The following SCHIP1 variants were observed in gnomAD, a reference collection of about 807,000 sequenced individuals.
SCHIP1 encodes schwannomin interacting protein 1, also known as schwannomin-interacting protein 1.
A neutral mutation model predicts 29.7 loss-of-function variants in SCHIP1; 8 were observed. The ratio of observed to expected loss-of-function variants is 0.27; its 90% CI spans 0.16 to 0.49. The LOEUF (loss-of-function observed/expected upper bound fraction) is 0.49. SCHIP1 is among the 20% of genes least tolerant of loss of function. The probability of loss-of-function intolerance (pLI) is 0.99; values close to 1 mark genes in which losing one functional copy is unlikely to be tolerated. For synonymous variants in SCHIP1, 76 were observed against 94.9 expected, an observed-to-expected ratio of 0.80 and a Z score of 1.16; for missense variants, 193 against 294.6, an observed-to-expected ratio of 0.66 and a Z score of 2.52.
chr3:159,816,973 T>C, the SCHIP1 span, among the ~76,000 whole-genome samples: 2 of 152,120 alleles, frequency 1.3e-5, no homozygotes, highest in African/African-American at 4.8e-5. Flanking sequence ...CCTAACCAAT[T>C]ATATATATTG....
chr3:159,753,747 T>C, the SCHIP1 span, among the ~76,000 whole-genome samples: 4 of 152,214 alleles, frequency 2.6e-5, no homozygotes. Context: ...ATAAAGATCT[T>C]AGTTGCAACC....
chr3:159,337,651 C>T, the SCHIP1 span, among the ~76,000 whole-genome samples: 1 of 152,102 alleles, frequency 6.6e-6, no homozygotes, highest in East Asian at 1.9e-4. Context: ...GACATGATGT[C>T]CTGTCTTCTA....
the SCHIP1 span, among the ~76,000 whole-genome samples, chr3:159,558,039 G>A: frequency 1.3e-5 from 2 of 152,208 alleles, no homozygotes; most frequent in Non-Finnish European, 2.9e-5. Context: ...CAAGAACAAT[G>A]TTGAGCCTAA....
At chr3:159,782,517 A>T in the SCHIP1 span, among the ~76,000 whole-genome samples, 1 of 152,238 alleles carries the variant, frequency 6.6e-6, no homozygotes, top group Non-Finnish European at 1.5e-5. Flanking sequence ...TTTTTCATAA[A>T]TGGAAACTTT....
chr3:159,609,268 C>A, the SCHIP1 span, among the ~76,000 whole-genome samples: 1 of 151,982 alleles, frequency 6.6e-6, no homozygotes, highest in African/African-American at 2.4e-5. Flanking sequence ...GGGAAGCACA[C>A]GTGTGCAAAG....
At chr3:159,464,900 A>G in the SCHIP1 span, among the ~76,000 whole-genome samples, 1 of 152,178 alleles carries the variant, frequency 6.6e-6, no homozygotes, top group South Asian at 2.1e-4. Context: ...TGGTATAAAA[A>G]TTGCAGAATA....
chr3:159,379,579 A>G, the SCHIP1 span, among the ~76,000 whole-genome samples: 2 of 152,280 alleles, frequency 1.3e-5, no homozygotes, highest in South Asian at 2.1e-4. Context: ...GATTCTGAAG[A>G]TTTATGTAGT....
chr3:159,335,906 G>A, the SCHIP1 span, among the ~76,000 whole-genome samples: 1 of 152,158 alleles, frequency 6.6e-6, no homozygotes, highest in African/African-American at 2.4e-5. Flanking sequence ...CTAGATCCCT[G>A]AGGAATCGCC....
the SCHIP1 span, among the ~76,000 whole-genome samples, chr3:159,812,271 T>C: frequency 2.8e-4 from 42 of 152,244 alleles, no homozygotes; most frequent in African/African-American, 9.1e-4. Context: ...GCGCCCGGCC[T>C]GTAGTTTTCA....
At chr3:159,596,460 A>G in the SCHIP1 span, among the ~76,000 whole-genome samples, 2 of 152,182 alleles carry the variant, frequency 1.3e-5, no homozygotes, top group East Asian at 3.8e-4. Context: ...CATATACCCA[A>G]AGGATTATAA....
chr3:159,358,392 A>T, the SCHIP1 span, among the ~76,000 whole-genome samples: 6 of 152,308 alleles, frequency 3.9e-5, no homozygotes, highest in South Asian at 1.2e-3. Flanking sequence ...TAAAGGCTAA[A>T]CTCTGCAGTA....
At chr3:159,390,897 C>T in the SCHIP1 span, among the ~76,000 whole-genome samples, 8 of 152,228 alleles carry the variant, frequency 5.3e-5, no homozygotes, top group African/African-American at 1.9e-4. Flanking sequence ...AACAAAAAAA[C>T]AGAACTCAAT....
At chr3:159,317,742 G>C in the SCHIP1 span, among the ~76,000 whole-genome samples, 2 of 152,188 alleles carry the variant, frequency 1.3e-5, no homozygotes, top group African/African-American at 4.8e-5. Context: ...TGAGTGCCTT[G>C]GTCAGAGACA....
chr3:159,806,552 C>T, the SCHIP1 span, among the ~76,000 whole-genome samples: 12 of 152,234 alleles, frequency 7.9e-5, no homozygotes, highest in Admixed American at 3.9e-4. Context: ...TTGCACAAAC[C>T]CAATATTAGA....
the SCHIP1 span, among the ~76,000 whole-genome samples, chr3:159,806,508 G>A: frequency 7.2e-5 from 11 of 152,240 alleles, no homozygotes; most frequent in East Asian, 3.8e-4. Context: ...TAATTCAAGC[G>A]TGAAATGTGG....
At chr3:159,436,885 C>G in the SCHIP1 span, among the ~76,000 whole-genome samples, 10 of 152,014 alleles carry the variant, frequency 6.6e-5, no homozygotes, top group African/African-American at 2.4e-4. Flanking sequence ...CCATCAGTCT[C>G]TAGGGTCCTT....
chr3:159,728,592 C>T, the SCHIP1 span, among the ~76,000 whole-genome samples: 1 of 152,182 alleles, frequency 6.6e-6, no homozygotes, highest in Admixed American at 6.5e-5. Flanking sequence ...AGAGGAGCTC[C>T]CCTTTCCCTC....
At chr3:159,674,988 T>C in the SCHIP1 span, among the ~76,000 whole-genome samples, 1 of 152,182 alleles carries the variant, frequency 6.6e-6, no homozygotes, top group Non-Finnish European at 1.5e-5. Context: ...ACACCCTACA[T>C]TGGACCAGGA....
At chr3:159,534,333 G>C in the SCHIP1 span, among the ~76,000 whole-genome samples, 4 of 152,108 alleles carry the variant, frequency 2.6e-5, no homozygotes, top group African/African-American at 9.7e-5. Flanking sequence ...CTGGGTGAAG[G>C]CTGGGGTGGA....
Sources: allele counts gnomAD v4.1 joint callset (sites outside exome capture counted in the v4.1 genomes callset), GRCh38; gene constraint gnomAD v4.1.1; transcripts MANE v1.5; gene names NCBI Gene and HGNC (gene_info 2026-07-23, HGNC 2026-07-21).